Variants in PSME4 observed in about 807,000 individuals in gnomAD.
The protein encoded by PSME4 is proteasome activator subunit 4, also known as proteasome activator complex subunit 4.
In PSME4, 89 loss-of-function variants were observed where a neutral mutation model predicts 253.9. The ratio of observed to expected loss-of-function variants is 0.35; its 90% CI spans 0.30 to 0.42. The LOEUF (loss-of-function observed/expected upper bound fraction) is 0.42, where lower values mean the gene tolerates loss of function less well. Ranked by LOEUF, PSME4 falls within the 10% of genes least tolerant of loss-of-function variation. PSME4 has a pLI of 1.00. For synonymous variants in PSME4, 851 were observed against 759.2 expected (o/e 1.12, Z -1.99); for missense variants, 2,014 against 2,195.2 (o/e 0.92, Z 1.65).
chr2:53,928,722 G>A (rs1450639527), intron 10 of PSME4, among the ~76,000 whole-genome samples: 1 of 152,098 alleles, frequency 6.6e-6, no homozygotes, highest in Non-Finnish European at 1.5e-5. Context: ...TATGCACTGG[G>A]GGTCTTCAAA....
At chr2:53,898,043 ACTTGG>A in intron 30 of PSME4, 44 bp from the exon 31 acceptor site, 5 of 1,567,528 alleles carry the variant, frequency 3.2e-6, no homozygotes, top group Admixed American at 2.1e-5. Context: ...ACATAAAACC[ACTTGG>A]AAAAAAAAAA....
chr2:53,919,117 A>C, intron 20 of PSME4, 34 bp downstream of exon 20: 1 of 1,578,012 alleles, frequency 6.3e-7, no homozygotes, highest in South Asian at 1.2e-5. Flanking sequence ...GACTTAAAAT[A>C]TATGTTAAGT....
At chr2:53,907,560 C>T (rs532112547) in intron 24 of PSME4, among the ~76,000 whole-genome samples, 2 of 152,264 alleles carry the variant, frequency 1.3e-5, no homozygotes, top group South Asian at 4.1e-4. Context: ...GGTGGCAGAG[C>T]TTTTTAATGT....
chr2:53,952,492 G>A (rs944177583), intron 1 of PSME4, among the ~76,000 whole-genome samples: 1 of 152,140 alleles, frequency 6.6e-6, no homozygotes, highest in Admixed American at 6.5e-5. Flanking sequence ...CAGCTGAGCC[G>A]AGATGGTGCT....
In PSME4 at chr2:53,962,760, C is replaced by T. The variant is rs183595778; in HGVS notation, c.242+7783G>A. On this transcript the variant is annotated intron_variant, in intron 1 of 46. Coordinates refer to ENST00000404125, the MANE Select transcript of PSME4 (RefSeq NM_014614.3). Reference sequence around the variant, plus strand: ...GGGCACGGTGGCTCACGCCTGTAATCCCAGCACTTTGGGAGGCTGAGGCAG... The same window carrying T: ...GGGCACGGTGGCTCACGCCTGTAATTCCAGCACTTTGGGAGGCTGAGGCAG... 4.9e-3 allele frequency among the ~76,000 whole-genome samples: 747 copies of T among 152,286 alleles called. 2 individuals carry two copies. The highest frequency in any genetic ancestry group is 9.5e-3 in the Admixed American group (145 of 15,294).
chr2:53,888,038 A>ACAGGCC, intron 38 of PSME4, 49 bp from the exon 39 acceptor site: 1 of 1,552,914 alleles, frequency 6.4e-7, no homozygotes, highest in Non-Finnish European at 8.7e-7. Flanking sequence ...TTCTGCCTTT[A>ACAGGCC]CATATTGACA....
chr2:53,940,976 T>TATATACATATTTAA (rs1558414033), intron 3 of PSME4, among the ~76,000 whole-genome samples: 6 of 55,728 alleles, frequency 1.1e-4, no homozygotes, highest in Non-Finnish European at 2.1e-4. Flanking sequence ...TATATATATA[T>TATATACATATTTAA]ATATATATAT....
intron 21 of PSME4, 105 bp downstream of exon 21, chr2:53,909,970 A>T (rs1667757076): frequency 9.9e-7 from 1 of 1,014,150 alleles, no homozygotes; most frequent in Non-Finnish European, 1.6e-6. Flanking sequence ...ACTCTGTCTC[A>T]AAACAAAACA....
At chr2:53,923,458 G>A in intron 14 of PSME4, 39 bp from the exon 15 acceptor site, 3 of 1,531,690 alleles carry the variant, frequency 2.0e-6, no homozygotes, top group Non-Finnish European at 2.6e-6. Flanking sequence ...CATTTTTTAA[G>A]AAAATTAAAC....
intron 1 of PSME4, among the ~76,000 whole-genome samples, chr2:53,970,150 C>T (rs1274176265): frequency 6.6e-6 from 1 of 152,160 alleles, no homozygotes; most frequent in Non-Finnish European, 1.5e-5. Context: ...TCAAGGAACT[C>T]CCCCAAAGAC....
Position 53,881,390 on chromosome 2 carries a change from G to A in PSME4, c.4815+4300C>T, listed in dbSNP as rs144044040. 9.2e-5 allele frequency: 14 copies of A among 152,222 alleles called. No individual in the cohort carries two copies. The East Asian group carries it at 2.7e-3, about 29-fold the overall frequency. The allele number at this position is 152,222 out of a possible 1,614,324, so 9.4% of individuals were successfully genotyped here. ...AATACCTCTCTGACCACCACCATTT[G>A]AGCCCTTAATTGTTCCAAATTAAAA... On this transcript the variant is annotated intron_variant, in intron 41 of 46. Transcript: ENST00000404125.
In PSME4 at chr2:53,937,406, T is replaced by C. The variant is rs1351131120; in HGVS notation, c.680A>G (p.His227Arg). 6.3e-7 allele frequency: 1 copy of C among 1,599,434 alleles called. No homozygotes were observed. Among genetic ancestry groups the C allele is most frequent in the Non-Finnish European group, 8.5e-7 (1 of 1,173,072 alleles). The change falls in exon 5 of 47, where the codon CAT becomes CGT. Residue 227 changes from histidine to arginine, a missense_variant. His to Arg is a conservative substitution (Grantham distance 29, BLOSUM62 0). Around this residue, in one of 4 missense-constraint regions of PSME4, gnomAD observed 615 missense variants for 594.4 expected, o/e 1.03. Coordinates refer to ENST00000404125, the MANE Select transcript of PSME4 (RefSeq NM_014614.3). ...ACATACTTACTTAAAACCTTTATGA[T>C]GAAGTTCTGGAGGAAGGGAGGTAGG... Reference protein sequence around the residue: ...FLPTSLPPELHHKGFKLWFDE... With the variant: ...FLPTSLPPELRHKGFKLWFDE...
chr2:53,870,303 A>G (rs1678807668), intron 43 of PSME4: 1 of 152,074 alleles, frequency 6.6e-6, no homozygotes, highest in Non-Finnish European at 1.5e-5. Context: ...CATATGAAAT[A>G]CATCATAAAA....
At chr2:53,866,695 T>C in intron 45 of PSME4, 52 bp downstream of exon 45, 3 of 1,553,556 alleles carry the variant, frequency 1.9e-6, no homozygotes, top group Non-Finnish European at 1.8e-6. Flanking sequence ...TTATGGTTTC[T>C]TAGAAAACAT....
At chr2:53,942,663 C>G (rs1669506551) in intron 3 of PSME4, among the ~76,000 whole-genome samples, 1 of 151,880 alleles carries the variant, frequency 6.6e-6, no homozygotes, top group Non-Finnish European at 1.5e-5. Context: ...GGTATACGGC[C>G]CAGAATTAAG....
intron 1 of PSME4, among the ~76,000 whole-genome samples, chr2:53,950,685 C>A (rs964457168): frequency 1.3e-5 from 2 of 151,580 alleles, no homozygotes; most frequent in African/African-American, 4.8e-5. Context: ...CTACTAAAAA[C>A]ACAAAATTAG....
chr2:53,891,695 T>A (rs951153901), intron 36 of PSME4, among the ~76,000 whole-genome samples: 1 of 151,672 alleles, frequency 6.6e-6, no homozygotes, highest in Non-Finnish European at 1.5e-5. Context: ...CCTGCCTCTA[T>A]TAAAAATACA....
Position 53,931,921 on chromosome 2 carries a change from G to C in PSME4, c.1230C>G (p.Ser410Arg), listed in dbSNP as rs1437033683. ...IIQPVLLAMF[S>R]KTGSLEAAQA... The stretch of plus-strand genomic sequence containing the variant: ...GGGCTGCTTCTAGACTACCGGTTTT[G>C]CTAAACATAGCCAAGAGGACAGGCT... The change falls in exon 10 of 47, where the codon AGC becomes AGG. Residue 410 changes from serine to arginine, a missense_variant. Transcript: ENST00000404125. The C allele has an allele frequency of 2.5e-6, 4 of 1,614,072 alleles. No individual in the cohort carries two copies. Among genetic ancestry groups the C allele is most frequent in the Non-Finnish European group, 3.4e-6 (4 of 1,179,946 alleles).
chr2:53,920,881 A>C lies in PSME4; in HGVS notation c.2262+8T>G. The C allele has an allele frequency of 1.3e-6, 2 of 1,576,352 alleles. No homozygotes were observed. Among genetic ancestry groups the C allele is most frequent in the Non-Finnish European group, 1.7e-6 (2 of 1,146,522 alleles). On this transcript the variant is annotated splice_region_variant and intron_variant, in intron 18 of 46. Coordinates refer to ENST00000404125, the MANE Select transcript of PSME4 (RefSeq NM_014614.3). ...ATTCTTGAATCCTAAAGTACTGAAAATGCTTGCCTTGATAGGAAAGTATTC... is the reference window on the plus strand; with the variant it reads ...ATTCTTGAATCCTAAAGTACTGAAACTGCTTGCCTTGATAGGAAAGTATTC...
Sources: allele counts gnomAD v4.1 joint callset (sites outside exome capture counted in the v4.1 genomes callset), GRCh38; gene constraint gnomAD v4.1.1; regional missense constraint gnomAD v4.1.1; transcripts MANE v1.5; gene names NCBI Gene and HGNC (gene_info 2026-07-23, HGNC 2026-07-21).